ARHGAP18: variants seen among roughly 807,000 people sequenced by gnomAD.
ARHGAP18 encodes the protein Rho GTPase activating protein 18.
A neutral mutation model predicts 86.2 loss-of-function variants in ARHGAP18; 67 were observed. The observed-to-expected ratio is 0.78, with a 90% CI of 0.64 to 0.95. ARHGAP18 has a LOEUF of 0.95. Ranked by LOEUF, ARHGAP18 falls within the 40% of genes least tolerant of loss-of-function variation. The probability of loss-of-function intolerance (pLI) is 0.00; values close to 1 mark genes in which losing one functional copy is unlikely to be tolerated. For synonymous variants in ARHGAP18, 283 were observed against 280.4 expected (o/e 1.01, Z -0.09); for missense variants, 691 against 780.4 (o/e 0.89, Z 1.37).
intron 5 of ARHGAP18, among the ~76,000 whole-genome samples, chr6:129,622,500 A>T (rs570078528): frequency 6.6e-6 from 1 of 152,292 alleles, no homozygotes; most frequent in East Asian, 1.9e-4. Context: ...ATATGTCATG[A>T]GCTTATTTAT....
chr6:129,604,006 T>C (rs532507135), intron 10 of ARHGAP18, among the ~76,000 whole-genome samples: 3 of 152,356 alleles, frequency 2.0e-5, no homozygotes, highest in African/African-American at 7.2e-5. Context: ...TTATATTGCA[T>C]TGGAGTTTCC....
intron 10 of ARHGAP18, among the ~76,000 whole-genome samples, chr6:129,604,283 A>AT (rs1788809135): frequency 6.6e-6 from 1 of 151,820 alleles, no homozygotes; most frequent in Non-Finnish European, 1.5e-5. Flanking sequence ...TTTTAAAACT[A>AT]TTTTTTAACA....
At chr6:129,633,846 A>C (rs954623729) in intron 4 of ARHGAP18, among the ~76,000 whole-genome samples, 196 bp downstream of exon 4, 1 of 152,206 alleles carries the variant, frequency 6.6e-6, no homozygotes, top group African/African-American at 2.4e-5. Context: ...TGAATCAGAA[A>C]ATAGGAATAC....
intron 1 of ARHGAP18, among the ~76,000 whole-genome samples, chr6:129,700,936 G>A (rs17057665): frequency 0.014 from 2,137 of 150,744 alleles, 41 homozygotes; most frequent in African/African-American, 0.049. Flanking sequence ...CAATCTTTTA[G>A]TAACTACCTA....
At position 129,578,429 on chromosome 6, in the gene ARHGAP18, C is replaced by A. The variant is rs908801317; in HGVS notation, c.*84G>T. On this transcript the variant is annotated 3_prime_UTR_variant, in exon 15 of 15. Transcript: ENST00000368149. ...TTGGGTACAACTGAATAATATGAGT[C>A]CTGCCATTTCTTTTATTTACACTCT... 8 of 1,070,160 alleles carry A rather than the reference C, an allele frequency of 7.5e-6. No individual in the cohort carries two copies. Among genetic ancestry groups the A allele is most frequent in the Admixed American group, 2.0e-5 (1 of 51,040 alleles). 66.3% of individuals were successfully genotyped at this position (1,070,160 alleles called of 1,614,324 possible).
At chr6:129,584,580 T>C (rs1343407536) in intron 12 of ARHGAP18, among the ~76,000 whole-genome samples, 1 of 152,220 alleles carries the variant, frequency 6.6e-6, no homozygotes, top group Non-Finnish European at 1.5e-5. Flanking sequence ...TCTATTTTTA[T>C]TGTCTGTTCC....
chr6:129,684,762 C>A (rs1774397777), intron 1 of ARHGAP18, among the ~76,000 whole-genome samples: 1 of 152,268 alleles, frequency 6.6e-6, no homozygotes, highest in East Asian at 1.9e-4. Flanking sequence ...ATTGACCATA[C>A]TTTACCCAAA....
chr6:129,688,696 G>A (rs776199713), intron 1 of ARHGAP18, among the ~76,000 whole-genome samples: 1 of 152,098 alleles, frequency 6.6e-6, no homozygotes, highest in African/African-American at 2.4e-5. Flanking sequence ...GGAGGCTTAG[G>A]CAGGAGAATC....
intron 1 of ARHGAP18, among the ~76,000 whole-genome samples, chr6:129,660,799 A>T (rs1459721781): frequency 2.0e-5 from 3 of 152,166 alleles, no homozygotes; most frequent in African/African-American, 7.2e-5. Flanking sequence ...ATTTTGGAAT[A>T]ATTAGCATAT....
chr6:129,675,598 TG>T (rs1237989471), intron 1 of ARHGAP18, among the ~76,000 whole-genome samples: 3 of 152,170 alleles, frequency 2.0e-5, no homozygotes, highest in African/African-American at 7.2e-5. Context: ...TACTTCTCTC[TG>T]GAACATCTCT....
In ARHGAP18 at chr6:129,577,250, C is replaced by A. The variant is rs1308035384; in HGVS notation, c.*1263G>T. The A allele has an allele frequency of 6.6e-6, 1 of 152,124 alleles. No individual in the cohort carries two copies. Among genetic ancestry groups the A allele is most frequent in the Non-Finnish European group, 1.5e-5 (1 of 67,994 alleles). The allele number at this position is 152,124 out of a possible 1,614,324, so 9.4% of individuals were successfully genotyped here. On this transcript the variant is annotated 3_prime_UTR_variant, in exon 15 of 15. Coordinates refer to ENST00000368149, the MANE Select transcript of ARHGAP18 (RefSeq NM_033515.3). ...ACTGTTCTCATTAACAGCATTCCCCCCCTTCATTAGAGACATCAAGAGCTT... is the reference window on the plus strand; with the variant it reads ...ACTGTTCTCATTAACAGCATTCCCCACCTTCATTAGAGACATCAAGAGCTT...
At chr6:129,707,431 G>A (rs1319500954) in intron 1 of ARHGAP18, among the ~76,000 whole-genome samples, 1 of 151,966 alleles carries the variant, frequency 6.6e-6, no homozygotes, top group Non-Finnish European at 1.5e-5. Flanking sequence ...TAAATGGGTA[G>A]GAGGAAATGC....
intron 1 of ARHGAP18, among the ~76,000 whole-genome samples, chr6:129,643,631 A>G (rs1773515135): frequency 6.6e-6 from 1 of 152,218 alleles, no homozygotes; most frequent in Non-Finnish European, 1.5e-5. Context: ...CAATAGTTGA[A>G]TAACTGTTTT....
chr6:129,600,738 C>T lies in ARHGAP18; in HGVS notation c.1476G>A (p.Leu492=). The change falls in exon 11 of 15, where the codon TTG becomes TTA. Residue 492 remains leucine (L), a synonymous_variant. Transcript: ENST00000368149. ...CTCGCTGTTCACTGGACTTCAATCCCAATGCATGACACATAAAGAGATTCG... is the reference window on the plus strand; with the variant it reads ...CTCGCTGTTCACTGGACTTCAATCCTAATGCATGACACATAAAGAGATTCG... The part of the protein sequence containing the change: ...MAPNLFMCHA[L]GLKSSEQREF... 6 of 1,613,716 alleles carry T rather than the reference C, an allele frequency of 3.7e-6. No individual in the cohort carries two copies. In the South Asian group the frequency reaches 6.6e-5, roughly 18 times the overall value.
chr6:129,659,852 G>C (rs532394520), intron 1 of ARHGAP18, among the ~76,000 whole-genome samples: 1 of 152,304 alleles, frequency 6.6e-6, no homozygotes, highest in Non-Finnish European at 1.5e-5. Flanking sequence ...CTAGTGAAGG[G>C]ATCCGTTGAA....
intron 1 of ARHGAP18, among the ~76,000 whole-genome samples, chr6:129,681,319 G>A (rs542639389): frequency 2.0e-5 from 3 of 152,154 alleles, no homozygotes; most frequent in South Asian, 2.1e-4. Context: ...CTCGTGATCC[G>A]CCTGCCTCGG....
intron 1 of ARHGAP18, among the ~76,000 whole-genome samples, chr6:129,643,992 TA>T (rs1773524796): frequency 6.6e-6 from 1 of 152,240 alleles, no homozygotes. Flanking sequence ...TTTATTCCTT[TA>T]AAGATGATTC....
chr6:129,705,593 A>G (rs895463056), intron 1 of ARHGAP18, among the ~76,000 whole-genome samples: 4 of 152,234 alleles, frequency 2.6e-5, no homozygotes, highest in African/African-American at 7.2e-5. Flanking sequence ...TTTTTTAAGC[A>G]TATGGATAAT....
rs778433239 is a variant in ARHGAP18, at chr6:129,618,671, A to T, written c.952+16T>A. ...ATTTTAGAAATAAATCCAAGGGTTTATCATTTCATGATTACCTTTTGTTTT... is the reference window on the plus strand; with the variant it reads ...ATTTTAGAAATAAATCCAAGGGTTTTTCATTTCATGATTACCTTTTGTTTT... On this transcript the variant is annotated intron_variant, in intron 6 of 14. Coordinates refer to ENST00000368149, the MANE Select transcript of ARHGAP18 (RefSeq NM_033515.3). 93 of 1,589,834 alleles carry T rather than the reference A, an allele frequency of 5.8e-5. No homozygotes were observed. The highest frequency in any genetic ancestry group is 7.8e-5 in the Non-Finnish European group (91 of 1,165,946).
Sources: gnomAD v4.1 joint callset for allele counts (sites outside exome capture counted in the v4.1 genomes callset) on GRCh38, gnomAD v4.1.1 for gene constraint, MANE v1.5 for transcripts, NCBI Gene and HGNC (gene_info 2026-07-23, HGNC 2026-07-21) for gene names.